TTLL9: variants seen among roughly 807,000 people sequenced by gnomAD.
TTLL9 encodes the protein probable tubulin polyglutamylase TTLL9.
Under a neutral mutation model 65.6 loss-of-function variants are expected in TTLL9, and 47 were observed. That is an observed-to-expected ratio of 0.72 (90% CI 0.57 to 0.91). The LOEUF is 0.91. Among genes scored for constraint, TTLL9 ranks in the 40% least tolerant of loss-of-function variants. The pLI, the probability that TTLL9 is intolerant of heterozygous loss-of-function variation, is 0.00. For missense variants in TTLL9, 537 were observed against 568.8 expected (o/e 0.94, Z 0.57); for synonymous variants, 179 against 204.8 (o/e 0.87, Z 1.07).
Position 31,909,926 on chromosome 20 carries a change from A to G in TTLL9, c.504+4A>G. 1 of 1,053,062 alleles carries G rather than the reference A, an allele frequency of 9.5e-7. No homozygotes were observed. Among genetic ancestry groups the G allele is most frequent in the South Asian group, 1.2e-5 (1 of 81,136 alleles). The allele number at this position is 1,053,062 out of a possible 1,614,324, so 65.2% of individuals were successfully genotyped here. On this transcript the variant is annotated splice_donor_region_variant and intron_variant, in intron 6 of 14. Coordinates refer to ENST00000535842, the MANE Select transcript of TTLL9 (RefSeq NM_001008409.5). Reference sequence around the variant, plus strand: ...AATCACCTGGATCATGAAGCCTGTGAGTGCCCAGTGCCAGGGGCTGGGTGG... The same window carrying G: ...AATCACCTGGATCATGAAGCCTGTGGGTGCCCAGTGCCAGGGGCTGGGTGG...
intron 4 of TTLL9, among the ~76,000 whole-genome samples, chr20:31,902,999 G>C (rs1293826970): frequency 1.3e-5 from 2 of 152,074 alleles, no homozygotes; most frequent in African/African-American, 4.8e-5. Flanking sequence ...GAGTGGCTGG[G>C]ACTACAAGCA....
intron 3 of TTLL9, among the ~76,000 whole-genome samples, chr20:31,887,911 T>TCTTCTC (rs2063221265): frequency 1.0e-4 from 2 of 19,302 alleles, no homozygotes; most frequent in African/African-American, 4.3e-4. Flanking sequence ...CTCTTTTGAG[T>TCTTCTC]TTCACTCTTG....
chr20:31,928,217 G>A (rs985930822), intron 10 of TTLL9, among the ~76,000 whole-genome samples: 3 of 152,010 alleles, frequency 2.0e-5, no homozygotes, highest in Non-Finnish European at 2.9e-5. Flanking sequence ...GCCCTCTCCC[G>A]GGGCTAGTTT....
At chr20:31,873,079 G>A (rs778572655) in intron 2 of TTLL9, 5 of 507,600 alleles carry the variant, frequency 9.9e-6, no homozygotes, top group Non-Finnish European at 1.6e-5. Flanking sequence ...AGTGGGACCC[G>A]AGAAGCTGGA....
intron 10 of TTLL9, among the ~76,000 whole-genome samples, chr20:31,932,470 T>TAAAAAAAAAAAAAAAAAA (rs2064033915): frequency 1.8e-5 from 1 of 56,560 alleles, no homozygotes; most frequent in African/African-American, 1.5e-4. Context: ...AGACCCTGTC[T>TAAAAAAAAAAAAAAAAAA]CAAAAAAAAA....
intron 4 of TTLL9, among the ~76,000 whole-genome samples, chr20:31,907,194 T>C (rs2063570775): frequency 6.6e-6 from 1 of 152,204 alleles, no homozygotes; most frequent in Admixed American, 6.5e-5. Context: ...CTGCATGAAC[T>C]AGGTGAGTTT....
chr20:31,898,702 C>T, intron 4 of TTLL9, 137 bp downstream of exon 4: 1 of 663,646 alleles, frequency 1.5e-6, no homozygotes, highest in Middle Eastern at 4.1e-4. Flanking sequence ...TTAGCACCCA[C>T]AATGTGCCAG....
intron 3 of TTLL9, among the ~76,000 whole-genome samples, chr20:31,888,979 G>T (rs1308499840): frequency 6.6e-6 from 1 of 151,836 alleles, no homozygotes; most frequent in East Asian, 1.9e-4. Flanking sequence ...TTTAACTTGA[G>T]ATTTGGAGGG....
Position 31,909,762 on chromosome 20 carries a change from A to G in TTLL9, c.344A>G (p.Lys115Arg). The stretch of plus-strand genomic sequence containing the variant: ...CTGACCCGGAAGAACTACATGGTGA[A>G]GAACCTGAAGCGGTTCCGGAAGCAG... Reference protein sequence around the residue: ...YELTRKNYMVKNLKRFRKQLE... With the variant: ...YELTRKNYMVRNLKRFRKQLE... Residue 115 changes from lysine to arginine, a missense_variant, in exon 6 of 15, where the codon AAG becomes AGG. By Grantham distance (26) the Lys-to-Arg change is conservative. This residue lies in a region of TTLL9 where 320 missense variants were observed against 311.0 expected (regional missense o/e 1.03). Transcript: ENST00000535842. 1 of 1,614,152 alleles carries G rather than the reference A, an allele frequency of 6.2e-7. No individual in the cohort carries two copies. The highest frequency in any genetic ancestry group is 8.5e-7 in the Non-Finnish European group (1 of 1,180,010).
intron 4 of TTLL9, among the ~76,000 whole-genome samples, chr20:31,904,737 T>C (rs2063527127): frequency 6.6e-6 from 1 of 152,192 alleles, no homozygotes; most frequent in African/African-American, 2.4e-5. Context: ...CTTCTACATG[T>C]ATTAGGTGGC....
chr20:31,936,851 T>C (rs2064117223), intron 12 of TTLL9, among the ~76,000 whole-genome samples: 1 of 152,124 alleles, frequency 6.6e-6, no homozygotes, highest in South Asian at 2.1e-4. Flanking sequence ...ATCCCAGCAC[T>C]TTGGGAGGCT....
chr20:31,883,334 A>T (rs1035621665), intron 2 of TTLL9, among the ~76,000 whole-genome samples: 10 of 151,720 alleles, frequency 6.6e-5, no homozygotes, highest in African/African-American at 2.2e-4. Context: ...AGTAGCTGGG[A>T]TTACAGTTCC....
At chr20:31,874,746 TC>T (rs2063014292) in intron 2 of TTLL9, among the ~76,000 whole-genome samples, 2 of 152,224 alleles carry the variant, frequency 1.3e-5, no homozygotes, top group African/African-American at 4.8e-5. Flanking sequence ...GATGGATTAT[TC>T]AGAGGGGCCC....
At chr20:31,874,938 C>T (rs749440891) in intron 2 of TTLL9, among the ~76,000 whole-genome samples, 9 of 152,244 alleles carry the variant, frequency 5.9e-5, no homozygotes, top group East Asian at 3.9e-4. Flanking sequence ...CTAGAGTTTA[C>T]GAAAGAAACT....
chr20:31,929,464 G>C (rs1476674539), intron 10 of TTLL9, among the ~76,000 whole-genome samples: 1 of 152,092 alleles, frequency 6.6e-6, no homozygotes, highest in Non-Finnish European at 1.5e-5. Context: ...TACTATTTTG[G>C]TGTATTTCCT....
chr20:31,887,931 C>G (rs2063221740), intron 3 of TTLL9, among the ~76,000 whole-genome samples: 2 of 114,642 alleles, frequency 1.7e-5, no homozygotes, highest in Admixed American at 8.5e-5. Flanking sequence ...GTTACCCAGA[C>G]TGGAGTGCAA....
chr20:31,940,983 C>G (rs570607882), intron 14 of TTLL9: 2 of 151,628 alleles, frequency 1.3e-5, no homozygotes, highest in Non-Finnish European at 2.9e-5. Context: ...TTTGGGAGGC[C>G]GAGGCGGGCG....
chr20:31,933,707 TC>T, intron 10 of TTLL9, 92 bp from the exon 11 acceptor site: 1 of 1,211,082 alleles, frequency 8.3e-7, no homozygotes. Flanking sequence ...TTCGTAGCCT[TC>T]CCCATCAATT....
intron 7 of TTLL9, among the ~76,000 whole-genome samples, chr20:31,922,721 G>T (rs995322836): frequency 6.6e-6 from 1 of 152,190 alleles, no homozygotes; most frequent in Admixed American, 6.5e-5. Flanking sequence ...CAGGCTCTGG[G>T]CCTAGACCAT....
Sources: gnomAD v4.1 joint callset for allele counts (sites outside exome capture counted in the v4.1 genomes callset) on GRCh38, gnomAD v4.1.1 for gene constraint, gnomAD v4.1.1 regional missense constraint, MANE v1.5 for transcripts, NCBI Gene and HGNC (gene_info 2026-07-23, HGNC 2026-07-21) for gene names.